The following SAMD12 variants were observed in gnomAD, a reference collection of about 807,000 sequenced individuals.
SAMD12 encodes sterile alpha motif domain containing 12, also known as sterile alpha motif domain-containing protein 12.
In SAMD12, 9 loss-of-function variants were observed where a neutral mutation model predicts 15.0. That is an observed-to-expected ratio of 0.60 (90% CI 0.36 to 1.05). The LOEUF is 1.05. Ranked by LOEUF, SAMD12 falls within the 50% of genes least tolerant of loss-of-function variation. SAMD12 has a pLI of 0.01. For missense variants in SAMD12, 230 were observed against 234.2 expected (o/e 0.98, Z 0.12); for synonymous variants, 86 against 90.1 (o/e 0.96, Z 0.25).
At chr8:118,315,740 G>A (rs1042592204) in intron 4 of SAMD12, among the ~76,000 whole-genome samples, 1 of 152,108 alleles carries the variant, frequency 6.6e-6, no homozygotes, top group African/African-American at 2.4e-5. Flanking sequence ...ACCCAAAGCT[G>A]AACTACCCAC....
At chr8:118,580,996 C>G in intron 1 of SAMD12, 103 bp from the exon 2 acceptor site, 1 of 820,104 alleles carries the variant, frequency 1.2e-6, no homozygotes. Context: ...AACGAGGCAT[C>G]TATGAGTCGA....
intron 3 of SAMD12, among the ~76,000 whole-genome samples, chr8:118,402,378 G>C (rs1196824844): frequency 2.0e-5 from 3 of 152,182 alleles, no homozygotes; most frequent in Non-Finnish European, 2.9e-5. Flanking sequence ...GTATGAGAGA[G>C]AAATACGTAA....
In SAMD12 at chr8:118,359,728, C is replaced by T. The variant is rs1288839577; in HGVS notation, c.433+19832G>A. 3.3e-5 allele frequency among the ~76,000 whole-genome samples: 5 copies of T among 152,120 alleles called. 1 individual carries two copies. ...AAAGGGATAATAACAACTCCCATCTCACAGAGGTATAAGGATAAAATGACA... is the reference window on the plus strand; with the variant it reads ...AAAGGGATAATAACAACTCCCATCTTACAGAGGTATAAGGATAAAATGACA... On this transcript the variant is annotated intron_variant, in intron 4 of 4. Transcript: ENST00000409003.
At chr8:118,477,778 C>A (rs1001007375) in intron 2 of SAMD12, among the ~76,000 whole-genome samples, 1 of 151,958 alleles carries the variant, frequency 6.6e-6, no homozygotes, top group African/African-American at 2.4e-5. Context: ...ACTTTGGGAG[C>A]TGAGGTGGGC....
intron 1 of SAMD12, among the ~76,000 whole-genome samples, chr8:118,620,615 T>C (rs1301726032): frequency 1.3e-5 from 2 of 152,074 alleles, no homozygotes; most frequent in Non-Finnish European, 2.9e-5. Context: ...GTATAGGAGC[T>C]GGGTTGTTGC....
At chr8:118,292,346 A>G (rs573520156) in intron 4 of SAMD12, among the ~76,000 whole-genome samples, 2 of 140,054 alleles carry the variant, frequency 1.4e-5, no homozygotes, top group East Asian at 4.2e-4. Context: ...CTGCAAACAC[A>G]CAGACACACA....
At chr8:118,392,861 C>A (rs1820358511) in intron 3 of SAMD12, among the ~76,000 whole-genome samples, 1 of 151,928 alleles carries the variant, frequency 6.6e-6, no homozygotes, top group Non-Finnish European at 1.5e-5. Context: ...TTGTGTTAAT[C>A]AAAAATGTCT....
chr8:118,423,603 C>T lies in SAMD12; in HGVS notation c.322+16229G>A, dbSNP rs116022355. Reference sequence around the variant, plus strand: ...TTAGGGTTATAAGCATGTCCACCCCCATGCTTATTTTTATATCACTTACCT... The same window carrying T: ...TTAGGGTTATAAGCATGTCCACCCCTATGCTTATTTTTATATCACTTACCT... On this transcript the variant is annotated intron_variant, in intron 3 of 3. Coordinates refer to ENST00000314727, the MANE Select transcript of SAMD12 (RefSeq NM_207506.3). 5.1e-3 allele frequency among the ~76,000 whole-genome samples: 778 copies of T among 152,220 alleles called. 7 individuals carry two copies. The highest frequency in any genetic ancestry group is 0.018 in the African/African-American group (747 of 41,528).
the SAMD12 span, among the ~76,000 whole-genome samples, chr8:118,149,548 G>A: frequency 6.6e-6 from 1 of 152,082 alleles, no homozygotes; most frequent in Admixed American, 6.5e-5. Flanking sequence ...TCTTTTAACA[G>A]AGTCTTTCAA....
intron 4 of SAMD12, among the ~76,000 whole-genome samples, chr8:118,298,917 ATTATCT>A (rs1397177488): frequency 6.6e-6 from 1 of 152,168 alleles, no homozygotes; most frequent in Non-Finnish European, 1.5e-5. Flanking sequence ...TAACACTGAA[ATTATCT>A]TTTACATGTT....
chr8:118,364,659 C>T (rs1301035299), intron 4 of SAMD12, among the ~76,000 whole-genome samples: 1 of 152,014 alleles, frequency 6.6e-6, no homozygotes, highest in Non-Finnish European at 1.5e-5. Context: ...GCCTGAGGGT[C>T]TAATTTGTCA....
Position 118,621,946 on chromosome 8 carries a change from G to A in SAMD12, c.-130C>T. On this transcript the variant is annotated 5_prime_UTR_variant, in exon 1 of 4. Coordinates refer to ENST00000314727, the MANE Select transcript of SAMD12 (RefSeq NM_207506.3). Reference sequence around the variant, plus strand: ...ATCTGCTCCAGGACCAACCTGCCGCGGTCACGCAAAGCGAGGCAGCCGGCT... The same window carrying A: ...ATCTGCTCCAGGACCAACCTGCCGCAGTCACGCAAAGCGAGGCAGCCGGCT... 1 of 1,166,404 alleles carries A rather than the reference G, an allele frequency of 8.6e-7. No homozygotes were observed. Among genetic ancestry groups the A allele is most frequent in the Non-Finnish European group, 1.3e-6 (1 of 776,464 alleles). 72.3% of individuals were successfully genotyped at this position (1,166,404 alleles called of 1,614,324 possible).
At chr8:118,299,663 A>G (rs998669349) in intron 4 of SAMD12, among the ~76,000 whole-genome samples, 7 of 152,154 alleles carry the variant, frequency 4.6e-5, no homozygotes, top group African/African-American at 1.7e-4. Flanking sequence ...CCAGTTTGAG[A>G]AAATAATATA....
chr8:118,135,919 C>T, the SAMD12 span, among the ~76,000 whole-genome samples: 1 of 152,190 alleles, frequency 6.6e-6, no homozygotes, highest in East Asian at 1.9e-4. Context: ...TTCCACATCT[C>T]CTTCCACACA....
At chr8:118,176,800 C>T in the SAMD12 span, among the ~76,000 whole-genome samples, 158 of 152,018 alleles carry the variant, frequency 1.0e-3, no homozygotes, top group Non-Finnish European at 1.9e-3. Context: ...CCCCTTGAAC[C>T]TAAAATTAAA....
At chr8:118,379,909 A>C (rs1471575413) in intron 3 of SAMD12, among the ~76,000 whole-genome samples, 2 of 152,212 alleles carry the variant, frequency 1.3e-5, no homozygotes, top group African/African-American at 4.8e-5. Flanking sequence ...CCTAACTTTT[A>C]ATTGAACATT....
At chr8:118,146,266 G>C in the SAMD12 span, among the ~76,000 whole-genome samples, 4 of 152,190 alleles carry the variant, frequency 2.6e-5, no homozygotes, top group Non-Finnish European at 5.9e-5. Context: ...AGAAAGCATG[G>C]CACATTTGAG....
intron 2 of SAMD12, among the ~76,000 whole-genome samples, chr8:118,501,765 C>T (rs1000634690): frequency 6.6e-6 from 1 of 152,154 alleles, no homozygotes; most frequent in African/African-American, 2.4e-5. Flanking sequence ...GCCTGTAATC[C>T]CAGCACTTTG....
At chr8:118,540,420 A>C (rs1240167823) in intron 2 of SAMD12, among the ~76,000 whole-genome samples, 1 of 152,078 alleles carries the variant, frequency 6.6e-6, no homozygotes, top group Non-Finnish European at 1.5e-5. Flanking sequence ...TCTCCCTTGC[A>C]CTCCCATATG....
Sources: allele counts gnomAD v4.1 joint callset (sites outside exome capture counted in the v4.1 genomes callset), GRCh38; gene constraint gnomAD v4.1.1; transcripts MANE v1.5; gene names NCBI Gene and HGNC (gene_info 2026-07-23, HGNC 2026-07-21).